The following CLTCL1 variants were observed in gnomAD, a reference collection of about 807,000 sequenced individuals.
CLTCL1 encodes the protein clathrin heavy chain like 1, also known as clathrin heavy chain 2.
A neutral mutation model predicts 190.0 loss-of-function variants in CLTCL1; 159 were observed. The ratio of observed to expected loss-of-function variants is 0.84; its 90% confidence interval spans 0.74 to 0.95. The LOEUF (loss-of-function observed/expected upper bound fraction) is 0.95. Among genes scored for constraint, CLTCL1 ranks in the 40% least tolerant of loss-of-function variants. CLTCL1 has a pLI of 0.00. For missense variants in CLTCL1, 1,878 were observed against 2,033.4 expected (o/e 0.92, Z 1.47); for synonymous variants, 752 against 769.6 (o/e 0.98, Z 0.38).
Position 19,233,224 on chromosome 22 carries a change from A to G in CLTCL1, c.1463T>C (p.Val488Ala), listed in dbSNP as rs782253921. Residue 488 changes from valine to alanine, a missense_variant, in exon 9 of 33, where the codon GTG (valine) becomes GCG (alanine). Physicochemically the swap from Val to Ala is moderately conservative, Grantham distance 64. Coordinates refer to ENST00000427926, the MANE Select transcript of CLTCL1 (RefSeq NM_007098.4). Reference protein sequence around the residue: ...VYLRANVPSKVIQCFAETGQF... With the variant: ...VYLRANVPSKAIQCFAETGQF... ...GCCTGTTTCTGCAAAACACTGGATC[A>G]CTTTGCTTGGCACATTTGCCCGAAG... is the stretch of plus-strand genomic sequence containing the variant. 5.0e-6 allele frequency: 8 copies of G among 1,613,918 alleles called. No homozygotes were observed. The highest frequency in any genetic ancestry group is 5.9e-6 in the Non-Finnish European group (7 of 1,179,892).
chr22:19,282,891 CAG>C (rs2087772962), intron 1 of CLTCL1, among the ~76,000 whole-genome samples: 1 of 140,702 alleles, frequency 7.1e-6, no homozygotes. Context: ...TTTTTTTAGA[CAG>C]AGTCTTACTC....
intron 1 of CLTCL1, among the ~76,000 whole-genome samples, chr22:19,276,289 G>A (rs1555983335): frequency 6.6e-6 from 1 of 152,128 alleles, no homozygotes; most frequent in Non-Finnish European, 1.5e-5. Context: ...AAAAAGAACT[G>A]GCCAAAAGTT....
chr22:19,213,023 TAAGAA>T, intron 19 of CLTCL1, among the ~76,000 whole-genome samples: 1 of 152,242 alleles, frequency 6.6e-6, no homozygotes, highest in Admixed American at 6.5e-5. Context: ...ATGACACTAT[TAAGAA>T]AATAAAAGAA....
chr22:19,278,529 A>G (rs1371316685), intron 1 of CLTCL1, among the ~76,000 whole-genome samples: 3 of 152,188 alleles, frequency 2.0e-5, no homozygotes, highest in African/African-American at 7.2e-5. Flanking sequence ...AATAAAAGAT[A>G]ACAGAAGCCC....
chr22:19,234,730 G>A (rs1555961134), intron 6 of CLTCL1, 24 bp from the exon 7 acceptor site: 1 of 1,601,532 alleles, frequency 6.2e-7, no homozygotes, highest in Non-Finnish European at 8.6e-7. Flanking sequence ...ACAAGTGAGA[G>A]CAGCCCGGCC....
Position 19,196,302 on chromosome 22 carries a change from G to A in CLTCL1, c.4155C>T (p.Ala1385=), listed in dbSNP as rs548132819. The change falls in exon 26 of 33, where the codon GCC becomes GCT. Residue 1385 remains alanine (A), a synonymous_variant. Transcript: ENST00000427926. Reference sequence around the variant, plus strand: ...TGTCCTTGAACTGACCCTCCTTCCAGGCCTCAGTGGGGTGGCTCATCATGG... The same window carrying A: ...TGTCCTTGAACTGACCCTCCTTCCAAGCCTCAGTGGGGTGGCTCATCATGG... ...VLTMMSHPTE[A]WKEGQFKDII... is the part of the protein sequence containing the mutation. 7 of 1,613,828 alleles carry A rather than the reference G, an allele frequency of 4.3e-6. No individual in the cohort carries two copies. The African/African-American group carries it at 9.3e-5, about 22-fold the overall frequency.
intron 3 of CLTCL1, among the ~76,000 whole-genome samples, chr22:19,245,186 CTTTTTTT>C (rs1194266137): frequency 1.7e-5 from 2 of 118,840 alleles, no homozygotes; most frequent in African/African-American, 6.3e-5. Flanking sequence ...TCTCCCCCTC[CTTTTTTT>C]TTTTTTTTTT....
chr22:19,224,443 A>C (rs2085675266), intron 13 of CLTCL1, among the ~76,000 whole-genome samples: 1 of 152,176 alleles, frequency 6.6e-6, no homozygotes, highest in Non-Finnish European at 1.5e-5. Flanking sequence ...CTCCAGGAGG[A>C]GGCCTGCAAC....
chr22:19,209,027 G>T lies in CLTCL1; in HGVS notation c.3337C>A (p.Gln1113Lys), dbSNP rs200487007. 1.3e-4 allele frequency: 205 copies of T among 1,610,754 alleles called. No homozygotes were observed. The highest frequency in any genetic ancestry group is 1.6e-4 in the Non-Finnish European group (192 of 1,178,598). ...ACCAAATCTTTCTGGAGCTGGGCTT[G>T]GGCCAGCTGACTCCACACAGCAGGC... The part of the protein sequence containing the change: ...NEPAVWSQLA[Q>K]AQLQKDLVKE... The change falls in exon 21 of 33, where the codon CAA (glutamine) becomes AAA (lysine). Residue 1113 changes from glutamine (Q) to lysine (K), a missense_variant. Gln to Lys is a moderately conservative substitution (Grantham distance 53). Transcript: ENST00000427926.
chr22:19,271,026 C>G (rs2087298330), intron 2 of CLTCL1, among the ~76,000 whole-genome samples: 1 of 152,022 alleles, frequency 6.6e-6, no homozygotes, highest in African/African-American at 2.4e-5. Flanking sequence ...GGAAATACTT[C>G]AGGTCAGACT....
intron 13 of CLTCL1, among the ~76,000 whole-genome samples, chr22:19,224,892 G>A (rs782512015): frequency 4.6e-5 from 7 of 152,162 alleles, no homozygotes; most frequent in Non-Finnish European, 8.8e-5. Flanking sequence ...TATCCTGGGT[G>A]GGCCAGACAG....
At chr22:19,209,871 C>T (rs62223883) in intron 20 of CLTCL1, among the ~76,000 whole-genome samples, 4,170 of 152,058 alleles carry the variant, frequency 0.027, 80 homozygotes, top group Non-Finnish European at 0.041. Flanking sequence ...GCAGGGAGGG[C>T]TGGAGGGCCT....
chr22:19,258,580 A>G (rs1327587767), intron 2 of CLTCL1: 1 of 607,424 alleles, frequency 1.6e-6, no homozygotes, highest in Non-Finnish European at 3.1e-6. Context: ...ACCTGGGCAG[A>G]GGGACAGCGC....
At chr22:19,276,249 C>T (rs1197282601) in intron 1 of CLTCL1, among the ~76,000 whole-genome samples, 1 of 152,158 alleles carries the variant, frequency 6.6e-6, no homozygotes, top group Non-Finnish European at 1.5e-5. Flanking sequence ...AGGGAGGAAA[C>T]ACAAAACCTG....
intron 10 of CLTCL1, among the ~76,000 whole-genome samples, chr22:19,231,016 C>T (rs1331399281): frequency 6.6e-6 from 1 of 152,186 alleles, no homozygotes; most frequent in Non-Finnish European, 1.5e-5. Flanking sequence ...GGCTCCCCAG[C>T]CTTTGGACTC....
chr22:19,223,773 C>T, intron 14 of CLTCL1, 118 bp downstream of exon 14: 1 of 1,182,266 alleles, frequency 8.5e-7, no homozygotes, highest in South Asian at 1.4e-5. Context: ...GTCCCTGGGA[C>T]TAAGGGGTCC....
At position 19,183,549 on chromosome 22, in the gene CLTCL1, C is replaced by T. The variant is rs552412936; in HGVS notation, c.4668G>A (p.Trp1556Ter). The T allele has an allele frequency of 1.2e-6, 2 of 1,613,844 alleles. No individual in the cohort carries two copies. Among genetic ancestry groups the T allele is most frequent in the South Asian group, 1.1e-5 (1 of 91,092 alleles). ...ACTCCCTCTTGCCTTCCTCCAGGAACCACTGCAGCAACTTCTGGGCCAGCT... is the reference window on the plus strand; with the variant it reads ...ACTCCCTCTTGCCTTCCTCCAGGAATCACTGCAGCAACTTCTGGGCCAGCT... ...DAELAQKLLQ[W>*]FLEEGKRECF... The change falls in exon 30 of 33, where the codon TGG becomes TGA. Residue 1556 changes from tryptophan (W) to a stop codon, truncating the protein, a stop_gained. Transcript: ENST00000427926. LOFTEE classifies it high-confidence loss of function.
intron 2 of CLTCL1, among the ~76,000 whole-genome samples, chr22:19,260,779 C>CAAAAAAAAAA: frequency 1.8e-5 from 1 of 56,924 alleles, no homozygotes. Context: ...AACTCTGTCT[C>CAAAAAAAAAA]AAAAAAAAAA....
At chr22:19,226,181 C>G (rs2085737149) in intron 12 of CLTCL1, 38 bp downstream of exon 12, 1 of 1,600,020 alleles carries the variant, frequency 6.2e-7, no homozygotes, top group Non-Finnish European at 8.5e-7. Flanking sequence ...ATTGCATAGA[C>G]AACAGCCATA....
Sources: allele counts gnomAD v4.1 joint callset (sites outside exome capture counted in the v4.1 genomes callset), GRCh38; gene constraint gnomAD v4.1.1; transcripts MANE v1.5; gene names NCBI Gene and HGNC (gene_info 2026-07-23, HGNC 2026-07-21).